Variants in GRIA4 observed in about 807,000 individuals in gnomAD.
GRIA4 encodes glutamate ionotropic receptor AMPA type subunit 4.
Under a neutral mutation model 104.0 loss-of-function variants are expected in GRIA4, and 34 were observed. That is an observed-to-expected ratio of 0.33 (90% confidence interval 0.25 to 0.44). The LOEUF (loss-of-function observed/expected upper bound fraction) is 0.44. GRIA4 is among the 20% of genes least tolerant of loss of function. GRIA4 has a pLI of 1.00. For synonymous variants in GRIA4, 386 were observed against 381.9 expected, an observed-to-expected ratio of 1.01 and a Z score of -0.13; for missense variants, 750 against 1,096.5, an observed-to-expected ratio of 0.68 and a Z score of 4.46.
At chr11:105,925,731 A>T (rs2136196876) in intron 12 of GRIA4, among the ~76,000 whole-genome samples, 1 of 152,252 alleles carries the variant, frequency 6.6e-6, no homozygotes, top group Non-Finnish European at 1.5e-5. Context: ...AAAAGCCAGG[A>T]TTAAGCAAAT....
intron 3 of GRIA4, among the ~76,000 whole-genome samples, chr11:105,716,633 T>C (rs1426384064): frequency 6.6e-6 from 1 of 152,134 alleles, no homozygotes; most frequent in Non-Finnish European, 1.5e-5. Context: ...ACTCTATACA[T>C]CATTAACAAC....
intron 5 of GRIA4, among the ~76,000 whole-genome samples, chr11:105,886,899 A>G (rs1257661343): frequency 2.6e-5 from 4 of 151,872 alleles, no homozygotes; most frequent in African/African-American, 9.7e-5. Context: ...ATTTCTGAAA[A>G]CATTCTCAGA....
intron 4 of GRIA4, among the ~76,000 whole-genome samples, chr11:105,794,518 T>TATACAC (rs1565241479): frequency 1.7e-5 from 2 of 120,974 alleles, no homozygotes; most frequent in African/African-American, 3.2e-5. Flanking sequence ...TATATACATA[T>TATACAC]ACACACACAC....
At chr11:105,923,529 C>T (rs1430301201) in intron 11 of GRIA4, among the ~76,000 whole-genome samples, 1 of 152,082 alleles carries the variant, frequency 6.6e-6, no homozygotes, top group Non-Finnish European at 1.5e-5. Context: ...CAGCATCAGC[C>T]ACAGAATCCC....
chr11:105,829,894 A>G (rs1229723955), intron 4 of GRIA4, among the ~76,000 whole-genome samples: 1 of 151,932 alleles, frequency 6.6e-6, no homozygotes, highest in Admixed American at 6.6e-5. Context: ...AGAAAGAGAA[A>G]ATGTGCAGAA....
At chr11:105,794,008 G>C (rs12803424) in intron 4 of GRIA4, among the ~76,000 whole-genome samples, 20,255 of 151,980 alleles carry the variant, frequency 0.13, 1,460 homozygotes, top group Admixed American at 0.22. Flanking sequence ...AGGAGCAGTA[G>C]GCACTCACAG....
intron 14 of GRIA4, among the ~76,000 whole-genome samples, chr11:105,961,675 T>C (rs1051018249): frequency 1.3e-5 from 2 of 152,190 alleles, no homozygotes; most frequent in African/African-American, 4.8e-5. Context: ...CCAAAAAACA[T>C]TGTCTTAAGT....
At chr11:105,714,173 T>C (rs1027844804) in intron 3 of GRIA4, among the ~76,000 whole-genome samples, 11 of 152,110 alleles carry the variant, frequency 7.2e-5, no homozygotes. Context: ...TTCTCAAAAC[T>C]TGATGATGTC....
At chr11:105,705,821 AC>A (rs1177231787) in intron 3 of GRIA4, among the ~76,000 whole-genome samples, 1 of 152,202 alleles carries the variant, frequency 6.6e-6, no homozygotes, top group African/African-American at 2.4e-5. Flanking sequence ...CAACTTGCAC[AC>A]CTTTTTGGAG....
chr11:105,901,796 G>A (rs776981598), intron 7 of GRIA4, among the ~76,000 whole-genome samples: 19 of 152,190 alleles, frequency 1.2e-4, no homozygotes, highest in Middle Eastern at 6.8e-3. Context: ...GCTTTTTGGT[G>A]CCATCTCTTC....
chr11:105,755,133 A>T (rs1413833751), intron 4 of GRIA4, among the ~76,000 whole-genome samples: 1 of 152,134 alleles, frequency 6.6e-6, no homozygotes. Context: ...TGATGAGGGG[A>T]TGGAAAGAGT....
chr11:105,624,938 A>G (rs1045731190), intron 3 of GRIA4, among the ~76,000 whole-genome samples: 23 of 152,132 alleles, frequency 1.5e-4, no homozygotes, highest in Admixed American at 1.4e-3. Context: ...CAAGTATTAC[A>G]TATAGAATAT....
intron 3 of GRIA4, among the ~76,000 whole-genome samples, chr11:105,726,271 T>C (rs1372069485): frequency 1.3e-5 from 2 of 151,988 alleles, no homozygotes; most frequent in African/African-American, 4.8e-5. Context: ...AAACAAACCC[T>C]CTGGGAAGTA....
chr11:105,904,056 T>C, intron 8 of GRIA4, 75 bp downstream of exon 8: 2 of 1,014,886 alleles, frequency 2.0e-6, no homozygotes, highest in Non-Finnish European at 3.0e-6. Context: ...AACAGACTAA[T>C]TTATCCAAGC....
intron 4 of GRIA4, chr11:105,842,917 G>A (rs1215115013): frequency 1.3e-5 from 2 of 152,174 alleles, no homozygotes; most frequent in Non-Finnish European, 2.9e-5. Context: ...TGACCTGTAA[G>A]TGCCCTGTTA....
intron 13 of GRIA4, among the ~76,000 whole-genome samples, chr11:105,928,088 C>A (rs1947768640): frequency 6.6e-6 from 1 of 151,938 alleles, no homozygotes; most frequent in Admixed American, 6.6e-5. Flanking sequence ...ATGTGCTACT[C>A]CTTAGGCCAG....
chr11:105,842,233 G>GTCCTTGAA (rs1198347423), intron 4 of GRIA4, among the ~76,000 whole-genome samples: 2 of 152,116 alleles, frequency 1.3e-5, no homozygotes, highest in African/African-American at 4.8e-5. Context: ...ACAGGCGAAG[G>GTCCTTGAA]GTGTCCAAGA....
In GRIA4 at chr11:105,650,870, C is replaced by T. The variant is rs115975356; in HGVS notation, c.247+38436C>T. ...ATATTCTCACTAAAATTAGACAACA[C>T]GTGAATAATAAGAAAATTATCTCTA... is the stretch of plus-strand genomic sequence containing the variant. On this transcript the variant is annotated intron_variant, in intron 3 of 16. Transcript: ENST00000282499. 2.1e-3 allele frequency among the ~76,000 whole-genome samples: 321 copies of T among 152,190 alleles called. 1 individual carries two copies. Among genetic ancestry groups the T allele is most frequent in the African/African-American group, 7.0e-3 (291 of 41,524 alleles).
chr11:105,887,585 T>C lies in GRIA4; in HGVS notation c.726+13T>C, dbSNP rs1342831893. 2 of 1,210,728 alleles carry C rather than the reference T, an allele frequency of 1.7e-6. No homozygotes were observed. The highest frequency in any genetic ancestry group is 1.3e-5 in the South Asian group (1 of 77,420). 75.0% of individuals were successfully genotyped at this position (1,210,728 alleles called of 1,614,324 possible). A position where few individuals can be genotyped will look rare whatever the true frequency, so the allele number is the denominator to read the frequency against. On this transcript the variant is annotated intron_variant, in intron 6 of 16. Coordinates refer to ENST00000282499, the MANE Select transcript of GRIA4 (RefSeq NM_000829.4). ...CATTGCAAACTTGGTAAGAACTTCT[T>C]ATTTTCTACTTTTCATAAGAATTGC...
Sources: gnomAD v4.1 joint callset for allele counts (sites outside exome capture counted in the v4.1 genomes callset) on GRCh38, gnomAD v4.1.1 for gene constraint, MANE v1.5 for transcripts, NCBI Gene and HGNC (gene_info 2026-07-23, HGNC 2026-07-21) for gene names.